The following CUX1 variants were observed in gnomAD, a reference collection of about 807,000 sequenced individuals.
CUX1 encodes protein CASP.
CUX1 carries 31 observed loss-of-function variants against 158.8 expected under a neutral mutation model. The observed-to-expected ratio is 0.20, with a 90% CI of 0.15 to 0.26. The LOEUF (loss-of-function observed/expected upper bound fraction) is 0.26. Among genes scored for constraint, CUX1 ranks in the 10% least tolerant of loss-of-function variants. The pLI is 1.00. For synonymous variants in CUX1, 879 were observed against 862.1 expected (o/e 1.02, Z -0.34); for missense variants, 1,589 against 2,014.6 (o/e 0.79, Z 4.04).
Position 102,200,092 on chromosome 7 carries a change from G to A in CUX1, c.1982G>A (p.Arg661Gln), listed in dbSNP as rs1554519228. Reference sequence around the variant, plus strand: ...ACAGGTAACATCACCACCCGGATCCGAGCCTCGGAGACTGGCTCTGATGAA... The same window carrying A: ...ACAGGTAACATCACCACCCGGATCCAAGCCTCGGAGACTGGCTCTGATGAA... Reference protein sequence around the residue: ...GSEGNITTRIRASETGSDEAI... With the variant: ...GSEGNITTRIQASETGSDEAI... Residue 661 changes from arginine (R) to glutamine (Q), a missense_variant, in exon 17 of 24, where the codon CGA becomes CAA. Coordinates refer to ENST00000292535, the MANE Select transcript of CUX1 (RefSeq NM_181552.4). The A allele has an allele frequency of 5.6e-6, 9 of 1,612,540 alleles. No homozygotes were observed. Among genetic ancestry groups the A allele is most frequent in the African/African-American group, 4.0e-5 (3 of 74,806 alleles).
At chr7:102,009,539 C>T (rs532225456) in intron 2 of CUX1, among the ~76,000 whole-genome samples, 15 of 152,322 alleles carry the variant, frequency 9.8e-5, no homozygotes, top group African/African-American at 2.2e-4. Context: ...GTGATCCTCC[C>T]GCCTTGGCCT....
In CUX1 at chr7:102,280,097, C is replaced by T. The variant is rs782047979; in HGVS notation, c.1741C>T (p.Pro581Ser). 6.8e-6 allele frequency: 11 copies of T among 1,610,148 alleles called. No individual in the cohort carries two copies. In the Admixed American group the frequency reaches 1.8e-4, roughly 27 times the overall value. Residue 581 changes from proline to serine, a missense_variant, in exon 19 of 23, where the codon CCC becomes TCC. Pro to Ser is a moderately conservative substitution (Grantham distance 74). Transcript: ENST00000292538. ...GTCCCAGTACGAGGAGCGCCTGGACCCCTTCTCCTCCTTCAGCAAGCGGGT... is the reference window on the plus strand; with the variant it reads ...GTCCCAGTACGAGGAGCGCCTGGACTCCTTCTCCTCCTTCAGCAAGCGGGT...
chr7:102,280,777 C>G, intron 19 of CUX1: 1 of 1,611,922 alleles, frequency 6.2e-7, no homozygotes, highest in South Asian at 1.1e-5. Flanking sequence ...CTTTGGGGTC[C>G]TTTCCTGACT....
intron 1 of CUX1, among the ~76,000 whole-genome samples, chr7:101,909,620 G>C (rs1431500554): frequency 6.6e-6 from 1 of 152,198 alleles, no homozygotes; most frequent in African/African-American, 2.4e-5. Flanking sequence ...TTTCTATATA[G>C]GATGTGCTGT....
rs782406158 is a variant in CUX1 at position 102,178,677 on chromosome 7, C to T, written c.1017+20C>T. The T allele has an allele frequency of 8.8e-6, 14 of 1,591,142 alleles. No individual in the cohort carries two copies. The highest frequency in any genetic ancestry group is 2.3e-5 in the East Asian group (1 of 43,800). On this transcript the variant is annotated intron_variant, in intron 11 of 23. Coordinates refer to ENST00000292535, the MANE Select transcript of CUX1 (RefSeq NM_181552.4). ...CTCAAAGTAAGGGGGCTGCGGGGCC[C>T]GGGGGTGGCCCGAGGAGGCAGGGCG...
Position 102,070,328 on chromosome 7 carries a change from T to G in CUX1, c.190-11T>G. 6.2e-7 allele frequency: 1 copy of G among 1,604,968 alleles called. No homozygotes were observed. The highest frequency in any genetic ancestry group is 8.5e-7 in the Non-Finnish European group (1 of 1,176,456). Reference sequence around the variant, plus strand: ...CTTTGTTTTTCTTTTCTTTCTTTCCTTCCCTTTCAGATTGATGCACTGAGT... The same window carrying G: ...CTTTGTTTTTCTTTTCTTTCTTTCCGTCCCTTTCAGATTGATGCACTGAGT... On this transcript the variant is annotated splice_polypyrimidine_tract_variant and intron_variant, in intron 3 of 23. Transcript: ENST00000292535.
At chr7:102,164,816 G>C (rs1041317429) in intron 9 of CUX1, among the ~76,000 whole-genome samples, 1 of 152,176 alleles carries the variant, frequency 6.6e-6, no homozygotes, top group African/African-American at 2.4e-5. Context: ...TGTTCCTCGG[G>C]GGACTTGCTC....
In CUX1 at chr7:101,992,166, G is replaced by C. The variant is rs552524435; in HGVS notation, c.142-35932G>C. ...GTCAGGGTAGAAAGAGGCTTGGAGGGGGGTGCACTTCTTCTAGCCAGAGCT... is the reference window on the plus strand; with the variant it reads ...GTCAGGGTAGAAAGAGGCTTGGAGGCGGGTGCACTTCTTCTAGCCAGAGCT... On this transcript the variant is annotated intron_variant, in intron 2 of 23. Transcript: ENST00000292535. Among the ~76,000 whole-genome samples the C allele has an allele frequency of 3.0e-4, 45 of 152,256 alleles. 1 individual carries two copies. Among genetic ancestry groups the C allele is most frequent in the African/African-American group, 9.9e-4 (41 of 41,526 alleles).
chr7:102,208,079 T>C (rs1586220702), intron 20 of CUX1, among the ~76,000 whole-genome samples: 1 of 152,200 alleles, frequency 6.6e-6, no homozygotes, highest in African/African-American at 2.4e-5. Flanking sequence ...TTCCAGCTAC[T>C]TGGGGGACTG....
chr7:102,176,558 C>CTTTTT (rs60973137), intron 10 of CUX1, among the ~76,000 whole-genome samples: 9 of 86,730 alleles, frequency 1.0e-4, no homozygotes, highest in South Asian at 4.4e-4. Flanking sequence ...GCCAGGATTC[C>CTTTTT]TTTTTTTTTT....
chr7:102,086,023 T>C (rs1489521966), intron 4 of CUX1, among the ~76,000 whole-genome samples: 1 of 152,192 alleles, frequency 6.6e-6, no homozygotes, highest in Non-Finnish European at 1.5e-5. Flanking sequence ...GAATGATCCA[T>C]TTCATCTAAA....
chr7:102,124,843 A>G (rs1380375233), intron 8 of CUX1, among the ~76,000 whole-genome samples: 6 of 150,544 alleles, frequency 4.0e-5, no homozygotes, highest in Admixed American at 4.0e-4. Context: ...GTGCAGTGGC[A>G]TGATCTCGGC....
chr7:102,112,872 T>C (rs1055047801), intron 7 of CUX1, among the ~76,000 whole-genome samples: 6 of 152,228 alleles, frequency 3.9e-5, no homozygotes, highest in Non-Finnish European at 7.3e-5. Flanking sequence ...GTATTTCATT[T>C]AAATGTATTT....
chr7:101,991,652 G>A (rs957853368), intron 2 of CUX1, among the ~76,000 whole-genome samples: 1 of 151,902 alleles, frequency 6.6e-6, no homozygotes, highest in African/African-American at 2.4e-5. Context: ...CCAGCTACTC[G>A]GGAGGCTGAG....
At chr7:101,843,470 A>G (rs1795372405) in intron 1 of CUX1, among the ~76,000 whole-genome samples, 1 of 152,128 alleles carries the variant, frequency 6.6e-6, no homozygotes, top group African/African-American at 2.4e-5. Flanking sequence ...CTTCTGCTGG[A>G]TTTTAAAGTT....
chr7:101,997,113 A>G (rs970663125), intron 2 of CUX1, among the ~76,000 whole-genome samples: 1 of 152,104 alleles, frequency 6.6e-6, no homozygotes, highest in Non-Finnish European at 1.5e-5. Flanking sequence ...GCAGCCCCAA[A>G]CACAGTCCTT....
chr7:101,920,196 A>G (rs1048770084), intron 2 of CUX1, among the ~76,000 whole-genome samples: 4 of 150,238 alleles, frequency 2.7e-5, no homozygotes, highest in African/African-American at 9.8e-5. Flanking sequence ...ATCTTGGCTC[A>G]CTGCAACTTC....
chr7:101,894,834 G>C (rs1016536931), intron 1 of CUX1, among the ~76,000 whole-genome samples: 1 of 152,080 alleles, frequency 6.6e-6, no homozygotes, highest in Non-Finnish European at 1.5e-5. Flanking sequence ...GTTTCTCAAA[G>C]TGAGCGCTGG....
chr7:102,261,954 C>T (rs1205109136), downstream of CUX1, among the ~76,000 whole-genome samples: 4 of 152,078 alleles, frequency 2.6e-5, no homozygotes, highest in South Asian at 2.1e-4. Flanking sequence ...CCCATCTCTA[C>T]GAAAATGTTT....
Sources: allele counts gnomAD v4.1 joint callset (sites outside exome capture counted in the v4.1 genomes callset), GRCh38; gene constraint gnomAD v4.1.1; transcripts MANE v1.5; gene names NCBI Gene and HGNC (gene_info 2026-07-23, HGNC 2026-07-21).